Variants in REDIC1 observed in about 807,000 individuals in gnomAD.
REDIC1 encodes HEI10 Interacting Protein 1.
chr12:39,890,728 G>A, the REDIC1 span, among the ~76,000 whole-genome samples: 3 of 152,010 alleles, frequency 2.0e-5, no homozygotes, highest in East Asian at 3.8e-4. Context: ...TAAATTTGAG[G>A]TAATTTGCAG....
the REDIC1 span, among the ~76,000 whole-genome samples, chr12:39,658,917 T>C: frequency 6.6e-6 from 1 of 152,076 alleles, no homozygotes; most frequent in South Asian, 2.1e-4. Context: ...CAATAATGCA[T>C]TGTTGTTTTG....
chr12:39,665,834 A>C, the REDIC1 span, among the ~76,000 whole-genome samples: 208 of 152,250 alleles, frequency 1.4e-3, 1 homozygote, highest in African/African-American at 4.7e-3. Context: ...TCTTGGAAGC[A>C]ATTGTGAATG....
the REDIC1 span, among the ~76,000 whole-genome samples, chr12:39,842,899 A>G: frequency 1.3e-5 from 2 of 151,906 alleles, no homozygotes; most frequent in Non-Finnish European, 2.9e-5. Context: ...TCTTTCACCC[A>G]GCATGTTTTT....
chr12:39,696,332 A>T, the REDIC1 span, among the ~76,000 whole-genome samples: 5 of 151,412 alleles, frequency 3.3e-5, no homozygotes, highest in Non-Finnish European at 7.4e-5. Flanking sequence ...TCACGAGGTC[A>T]GGAGATCGAG....
At chr12:39,869,242 T>A in the REDIC1 span, among the ~76,000 whole-genome samples, 4 of 152,206 alleles carry the variant, frequency 2.6e-5, no homozygotes, top group Non-Finnish European at 5.9e-5. Context: ...GTAATACTAA[T>A]GTGTTAACAA....
At chr12:39,627,448 A>G in the REDIC1 span, among the ~76,000 whole-genome samples, 1 of 152,354 alleles carries the variant, frequency 6.6e-6, no homozygotes, top group Admixed American at 6.5e-5. Context: ...AATGCTTAGC[A>G]CTATTAAAAT....
the REDIC1 span, among the ~76,000 whole-genome samples, chr12:39,699,000 A>G: frequency 9.9e-5 from 15 of 152,246 alleles, no homozygotes; most frequent in Admixed American, 8.5e-4. Context: ...TAGAGCAGAA[A>G]TAAATGACAT....
chr12:39,747,259 A>G, the REDIC1 span, among the ~76,000 whole-genome samples: 2 of 152,260 alleles, frequency 1.3e-5, no homozygotes, highest in African/African-American at 4.8e-5. Flanking sequence ...AAACCATGGC[A>G]TGAGAACTAC....
At chr12:39,842,870 TG>T in the REDIC1 span, among the ~76,000 whole-genome samples, 1 of 152,076 alleles carries the variant, frequency 6.6e-6, no homozygotes, top group Non-Finnish European at 1.5e-5. Flanking sequence ...TTATACAATG[TG>T]CTCTGTTGTT....
the REDIC1 span, among the ~76,000 whole-genome samples, chr12:39,693,695 C>T: frequency 1.3e-5 from 2 of 152,004 alleles, no homozygotes; most frequent in African/African-American, 4.8e-5. Context: ...AGTCAATGCC[C>T]TATTGATGGA....
At chr12:39,691,345 C>T in the REDIC1 span, among the ~76,000 whole-genome samples, 1 of 152,036 alleles carries the variant, frequency 6.6e-6, no homozygotes, top group Admixed American at 6.6e-5. Context: ...ATCCTACCAA[C>T]AGAGAATGTA....
chr12:39,779,134 G>A, the REDIC1 span, among the ~76,000 whole-genome samples: 1 of 152,150 alleles, frequency 6.6e-6, no homozygotes, highest in Non-Finnish European at 1.5e-5. Context: ...CCCTGAGCTG[G>A]GTGGCCTATG....
At chr12:39,750,983 A>T in the REDIC1 span, among the ~76,000 whole-genome samples, 1 of 152,180 alleles carries the variant, frequency 6.6e-6, no homozygotes, top group South Asian at 2.1e-4. Context: ...AGGCAATACC[A>T]TTCAGGACAT....
At chr12:39,846,704 G>A in the REDIC1 span, among the ~76,000 whole-genome samples, 6 of 152,066 alleles carry the variant, frequency 3.9e-5, no homozygotes, top group Non-Finnish European at 8.8e-5. Context: ...CACTGGCCTC[G>A]GCCTCCTAAA....
chr12:39,865,735 A>T, the REDIC1 span, among the ~76,000 whole-genome samples: 1 of 152,212 alleles, frequency 6.6e-6, no homozygotes, highest in Non-Finnish European at 1.5e-5. Flanking sequence ...AGCAACATGG[A>T]TGGAGCTGGA....
the REDIC1 span, among the ~76,000 whole-genome samples, chr12:39,898,356 T>C: frequency 6.6e-6 from 1 of 152,124 alleles, no homozygotes; most frequent in Non-Finnish European, 1.5e-5. Flanking sequence ...ATGAATATGA[T>C]ACAATGGGAA....
chr12:39,786,733 G>A, the REDIC1 span, among the ~76,000 whole-genome samples: 7 of 152,256 alleles, frequency 4.6e-5, no homozygotes, highest in African/African-American at 1.7e-4. Context: ...CAGCCTTGGT[G>A]GGTGAATCAT....
the REDIC1 span, among the ~76,000 whole-genome samples, chr12:39,902,188 G>A: frequency 7.4e-6 from 1 of 134,384 alleles, no homozygotes; most frequent in Admixed American, 7.8e-5. Context: ...TCTGGGGACT[G>A]TTGTGGGGTG....
chr12:39,740,796 C>T, the REDIC1 span, among the ~76,000 whole-genome samples: 3 of 151,718 alleles, frequency 2.0e-5, no homozygotes, highest in African/African-American at 7.3e-5. Flanking sequence ...TTCTTGCTTC[C>T]CAGAATTAAG....
Sources: gnomAD v4.1 joint callset for allele counts (sites outside exome capture counted in the v4.1 genomes callset) on GRCh38, gnomAD v4.1.1 for gene constraint, MANE v1.5 for transcripts, NCBI Gene and HGNC (gene_info 2026-07-23, HGNC 2026-07-21) for gene names.